The following TTC28 variants were observed in gnomAD, a reference collection of about 807,000 sequenced individuals.
TTC28 encodes tetratricopeptide repeat domain 28, also known as tetratricopeptide repeat protein 28.
Under a neutral mutation model 198.0 loss-of-function variants are expected in TTC28, and 61 were observed. The observed-to-expected ratio is 0.31, with a 90% CI of 0.25 to 0.38. The LOEUF (loss-of-function observed/expected upper bound fraction) is 0.38, where lower values mean the gene tolerates loss of function less well. Ranked by LOEUF, TTC28 falls within the 10% of genes least tolerant of loss-of-function variation. The probability of loss-of-function intolerance (pLI) is 1.00; values close to 1 mark genes in which losing one functional copy is unlikely to be tolerated. For synonymous variants in TTC28, 1,171 were observed against 1,297.8 expected (o/e 0.90, Z 2.10); for missense variants, 2,678 against 3,164.0 (o/e 0.85, Z 3.69).
chr22:28,655,687 T>G (rs2051634042), intron 1 of TTC28, among the ~76,000 whole-genome samples: 1 of 151,978 alleles, frequency 6.6e-6, no homozygotes, highest in South Asian at 2.1e-4. Context: ...CCGTCTCTAC[T>G]AAAAATACAA....
intron 6 of TTC28, among the ~76,000 whole-genome samples, chr22:28,121,591 A>C (rs1942788332): frequency 6.6e-6 from 1 of 152,190 alleles, no homozygotes; most frequent in African/African-American, 2.4e-5. Context: ...TGTATAGCAA[A>C]TTCAAAATTG....
At chr22:28,275,131 C>G (rs1426173253) in intron 5 of TTC28, among the ~76,000 whole-genome samples, 1 of 152,058 alleles carries the variant, frequency 6.6e-6, no homozygotes. Context: ...CTGGAAGAAC[C>G]AGAAGAACTT....
At chr22:28,514,341 A>T (rs986326634) in intron 2 of TTC28, among the ~76,000 whole-genome samples, 1 of 152,246 alleles carries the variant, frequency 6.6e-6, no homozygotes, top group African/African-American at 2.4e-5. Flanking sequence ...ACTGGGAAAG[A>T]GAACAATTTG....
intron 2 of TTC28, among the ~76,000 whole-genome samples, chr22:28,392,263 T>C (rs1028684066): frequency 8.5e-5 from 13 of 152,240 alleles, no homozygotes; most frequent in East Asian, 3.9e-4. Flanking sequence ...GACAGGGACA[T>C]CTAAGTCTGC....
chr22:28,384,590 C>T (rs780939295), intron 2 of TTC28, among the ~76,000 whole-genome samples: 12 of 152,174 alleles, frequency 7.9e-5, no homozygotes, highest in African/African-American at 2.9e-4. Flanking sequence ...GCATTCAATA[C>T]GTGGTGATGA....
chr22:28,518,028 G>A (rs1202185807), intron 2 of TTC28, among the ~76,000 whole-genome samples: 2 of 151,580 alleles, frequency 1.3e-5, no homozygotes, highest in African/African-American at 2.4e-5. Context: ...CAAGTAGCTG[G>A]GATTACAGGT....
At chr22:28,007,455 G>A (rs1049790266) in intron 14 of TTC28, 1 of 152,308 alleles carries the variant, frequency 6.6e-6, no homozygotes, top group Middle Eastern at 3.4e-3. Flanking sequence ...TGGTTTGCCT[G>A]AAGTACCTAA....
chr22:28,614,526 C>T (rs1337149164), intron 2 of TTC28, among the ~76,000 whole-genome samples: 2 of 152,188 alleles, frequency 1.3e-5, no homozygotes, highest in African/African-American at 4.8e-5. Context: ...CGGCATCACA[C>T]TACCTGACTT....
chr22:28,542,200 A>T (rs987180992), intron 2 of TTC28, among the ~76,000 whole-genome samples: 2 of 152,162 alleles, frequency 1.3e-5, no homozygotes, highest in African/African-American at 4.8e-5. Context: ...TCACTAGATA[A>T]ATTAACCACA....
chr22:27,983,239 G>A lies in TTC28; in HGVS notation c.6428C>T (p.Thr2143Met), dbSNP rs1255414916. 22 of 1,551,744 alleles carry A rather than the reference G, an allele frequency of 1.4e-5. No homozygotes were observed. The highest frequency in any genetic ancestry group is 1.7e-5 in the Non-Finnish European group (20 of 1,147,050). ...TTCTTGGGATTTCACGGTACTGTCC[G>A]TTTCTGTGCTAGACTGGTCTGATTC... is the stretch of plus-strand genomic sequence containing the variant. ...TGESDQSSTE[T>M]DSTVKSQEES... is the part of the protein sequence containing the mutation. Residue 2143 changes from threonine to methionine, a missense_variant, in exon 23 of 23, where the codon ACG (threonine) becomes ATG (methionine). Coordinates refer to ENST00000397906, the MANE Select transcript of TTC28 (RefSeq NM_001145418.2).
intron 6 of TTC28, among the ~76,000 whole-genome samples, chr22:28,131,761 G>T (rs1299930891): frequency 6.6e-6 from 1 of 152,106 alleles, no homozygotes; most frequent in Admixed American, 6.6e-5. Flanking sequence ...TATTAGAAAG[G>T]GTTGTTTTAT....
intron 1 of TTC28, among the ~76,000 whole-genome samples, chr22:28,636,521 C>T (rs1261087818): frequency 1.3e-5 from 2 of 152,118 alleles, no homozygotes; most frequent in Non-Finnish European, 1.5e-5. Context: ...GTGAATAATG[C>T]TGTATACATG....
chr22:28,412,946 C>T (rs2047104988), intron 2 of TTC28, among the ~76,000 whole-genome samples: 1 of 152,178 alleles, frequency 6.6e-6, no homozygotes, highest in African/African-American at 2.4e-5. Context: ...CACACTAATA[C>T]AATCTATGTT....
At chr22:28,585,978 A>T (rs1010045120) in intron 2 of TTC28, among the ~76,000 whole-genome samples, 2 of 142,706 alleles carry the variant, frequency 1.4e-5, no homozygotes, top group Non-Finnish European at 3.1e-5. Flanking sequence ...AGGTACAATT[A>T]AAAAAAAAAA....
intron 6 of TTC28, among the ~76,000 whole-genome samples, chr22:28,122,642 A>T (rs1372010091): frequency 3.3e-5 from 5 of 152,218 alleles, no homozygotes. Flanking sequence ...TGATTTCAAA[A>T]CATAAATATA....
chr22:28,096,349 G>A lies in TTC28; in HGVS notation c.3607C>T (p.Leu1203Phe). Residue 1203 changes from leucine (L) to phenylalanine (F), a missense_variant, in exon 11 of 23, where the codon CTT becomes TTT. Coordinates refer to ENST00000397906, the MANE Select transcript of TTC28 (RefSeq NM_001145418.2). The stretch of plus-strand genomic sequence containing the variant: ...TGTCCTGTTTGTCGTTCCACCAGAA[G>A]ATCAGCAAATGCCCTTGTCCGTCCC... Reference protein sequence around the residue: ...ERGRTRAFADLLVERQTGQQD... With the variant: ...ERGRTRAFADFLVERQTGQQD... 1 of 1,552,070 alleles carries A rather than the reference G, an allele frequency of 6.4e-7. No individual in the cohort carries two copies. The highest frequency in any genetic ancestry group is 8.7e-7 in the Non-Finnish European group (1 of 1,147,088).
intron 2 of TTC28, among the ~76,000 whole-genome samples, chr22:28,416,464 T>C (rs2047169367): frequency 6.6e-6 from 1 of 152,176 alleles, no homozygotes; most frequent in Admixed American, 6.5e-5. Context: ...CTGAATACAA[T>C]CTCCCCATCT....
At chr22:28,135,544 A>G (rs1354658301) in intron 6 of TTC28, among the ~76,000 whole-genome samples, 1 of 152,180 alleles carries the variant, frequency 6.6e-6, no homozygotes, top group Non-Finnish European at 1.5e-5. Flanking sequence ...CAAATAAGTC[A>G]AGTAAGAGGA....
At chr22:28,625,900 A>C (rs1033078466) in intron 2 of TTC28, among the ~76,000 whole-genome samples, 2 of 152,188 alleles carry the variant, frequency 1.3e-5, no homozygotes, top group Non-Finnish European at 2.9e-5. Flanking sequence ...ATATGGTCAA[A>C]TGGTTTGTGA....
Sources: allele counts gnomAD v4.1 joint callset (sites outside exome capture counted in the v4.1 genomes callset), GRCh38; gene constraint gnomAD v4.1.1; transcripts MANE v1.5; gene names NCBI Gene and HGNC (gene_info 2026-07-23, HGNC 2026-07-21).